The following CDC25C variants were observed in gnomAD, a reference collection of about 807,000 sequenced individuals.
CDC25C encodes the protein cell division cycle 25C, also known as M-phase inducer phosphatase 3.
In CDC25C, 48 loss-of-function variants were observed where a neutral mutation model predicts 52.5. The observed-to-expected ratio is 0.91, with a 90% confidence interval of 0.72 to 1.16. CDC25C has a LOEUF of 1.16. Among genes scored for constraint, CDC25C ranks in the 50% most tolerant of loss-of-function variants. The probability of loss-of-function intolerance (pLI) is 0.00; values close to 1 mark genes in which losing one functional copy is unlikely to be tolerated. For missense variants in CDC25C, 510 were observed against 566.1 expected, an observed-to-expected ratio of 0.90 and a Z score of 1.01; for synonymous variants, 187 against 206.5, an observed-to-expected ratio of 0.91 and a Z score of 0.81.
chr5:138,334,392 T>A (rs1002807402), upstream of CDC25C, among the ~76,000 whole-genome samples: 3 of 152,194 alleles, frequency 2.0e-5, no homozygotes, highest in Non-Finnish European at 4.4e-5. Flanking sequence ...GACAGTTTCT[T>A]TCTTGTTGCC....
chr5:138,332,218 G>A (rs1034398555), upstream of CDC25C: 2 of 152,248 alleles, frequency 1.3e-5, no homozygotes, highest in Non-Finnish European at 2.9e-5. Context: ...TGGGTGGAGG[G>A]TGTTGTAAGC....
Position 138,285,742 on chromosome 5 carries a change from G to A in CDC25C, c.1372C>T (p.Arg458Trp), listed in dbSNP as rs116048164. The A allele has an allele frequency of 2.0e-5, 32 of 1,614,142 alleles. No homozygotes were observed. Among genetic ancestry groups the A allele is most frequent in the Middle Eastern group, 3.3e-4 (2 of 6,060 alleles). ...AGGGCAATCTGCTCCCGCAGCTGCC[G>A]CTCCCCTTCCTGCACTTTGCTCTGG... The part of the protein sequence containing the change: ...RSQSKVQEGE[R>W]QLREQIALLV... The change falls in exon 14 of 14, where the codon CGG (arginine) becomes TGG (tryptophan). Residue 458 changes from arginine to tryptophan, a missense_variant. Coordinates refer to ENST00000323760, the MANE Select transcript of CDC25C (RefSeq NM_001790.5).
chr5:138,323,558 C>T lies in CDC25C; in HGVS notation c.459+2257G>A, dbSNP rs534973348. ...AAGTCCTGGACTCAAGCAATCCTCT[C>T]ACCTCAGCCTCCCAGAGTGCTGGGA... On this transcript the variant is annotated intron_variant, in intron 6 of 13. Transcript: ENST00000323760. Among the ~76,000 whole-genome samples, 148 of 151,824 alleles carry T rather than the reference C, an allele frequency of 9.7e-4. 1 individual carries two copies. Among genetic ancestry groups the T allele is most frequent in the Admixed American group, 8.5e-3 (129 of 15,264 alleles).
intron 7 of CDC25C, among the ~76,000 whole-genome samples, chr5:138,300,762 C>T (rs1247084537): frequency 3.3e-5 from 5 of 152,108 alleles, no homozygotes; most frequent in Admixed American, 6.6e-5. Flanking sequence ...AATCTTAATG[C>T]ACCTAAAAGG....
chr5:138,310,730 G>GCA (rs1257479023), intron 7 of CDC25C, among the ~76,000 whole-genome samples: 7 of 152,100 alleles, frequency 4.6e-5, no homozygotes, highest in African/African-American at 1.4e-4. Flanking sequence ...ATGAATCCAG[G>GCA]CAGTCTGGCC....
At position 138,326,655 on chromosome 5, in the gene CDC25C, A is replaced by T. The variant is rs189063195; in HGVS notation, c.336-601T>A. 3.5e-4 allele frequency among the ~76,000 whole-genome samples: 54 copies of T among 152,180 alleles called. No individual in the cohort carries two copies. In the East Asian group the frequency reaches 6.8e-3, roughly 19 times the overall value. On this transcript the variant is annotated intron_variant, in intron 4 of 13. Transcript: ENST00000323760. The stretch of plus-strand genomic sequence containing the variant: ...CGCACCCGGCCGGGGCTAACTTTTT[A>T]AAAAAATTTAATTTCTGGCGGGGCG...
chr5:138,326,949 T>A (rs1291208425), intron 4 of CDC25C, among the ~76,000 whole-genome samples: 21 of 72,474 alleles, frequency 2.9e-4, no homozygotes, highest in African/African-American at 1.1e-3. Flanking sequence ...CAAAACTCCG[T>A]CTCAAAAAAA....
In CDC25C at chr5:138,292,058, C is replaced by T; in HGVS notation, c.674G>A (p.Arg225Lys). The T allele has an allele frequency of 6.2e-7, 1 of 1,613,444 alleles. No individual in the cohort carries two copies. The highest frequency in any genetic ancestry group is 8.5e-7 in the Non-Finnish European group (1 of 1,179,700). The stretch of plus-strand genomic sequence containing the variant: ...CTTGAATTTTTCCACCTGCTTCAGT[C>T]TTGGCCTGTTCAAGTTCTCTGGCAT... The part of the protein sequence containing the change: ...PSMPENLNRP[R>K]LKQVEKFKDN... The change falls in exon 8 of 14, where the codon AGA becomes AAA. Residue 225 changes from arginine to lysine, a missense_variant. Physicochemically the swap from Arg to Lys is conservative, Grantham distance 26. Coordinates refer to ENST00000323760, the MANE Select transcript of CDC25C (RefSeq NM_001790.5).
exon 1 of CDC25C, chr5:138,338,021 T>C (rs1425527077): frequency 7.8e-7 from 1 of 1,289,588 alleles, no homozygotes; most frequent in African/African-American, 1.5e-5. Context: ...GTCCACTTTC[T>C]GCGATATTTT....
At chr5:138,291,138 T>A (rs1018215359) in intron 8 of CDC25C, among the ~76,000 whole-genome samples, 27 of 152,016 alleles carry the variant, frequency 1.8e-4, no homozygotes, top group Non-Finnish European at 2.5e-4. Context: ...ATTTTATTTT[T>A]TTTTATTAGA....
intron 7 of CDC25C, 142 bp downstream of exon 7, chr5:138,319,077 A>T: frequency 1.5e-6 from 1 of 662,392 alleles, no homozygotes; most frequent in Non-Finnish European, 2.5e-6. Flanking sequence ...TTTACTGAAC[A>T]TGTTCTGGCT....
chr5:138,299,793 G>C (rs1757500398), intron 7 of CDC25C, among the ~76,000 whole-genome samples: 1 of 151,656 alleles, frequency 6.6e-6, no homozygotes, highest in South Asian at 2.1e-4. Context: ...GATTAGAGCA[G>C]AACTTAAGAG....
chr5:138,327,544 G>A (rs1005197328), intron 4 of CDC25C, among the ~76,000 whole-genome samples: 1 of 151,850 alleles, frequency 6.6e-6, no homozygotes, highest in Non-Finnish European at 1.5e-5. Flanking sequence ...GCTGAGGCAG[G>A]AGAATCGCTT....
chr5:138,290,412 A>G (rs1400712011), intron 9 of CDC25C, among the ~76,000 whole-genome samples: 2 of 152,210 alleles, frequency 1.3e-5, no homozygotes, highest in East Asian at 3.8e-4. Context: ...TAAACAGAAA[A>G]AAGGTAAAAA....
intron 7 of CDC25C, among the ~76,000 whole-genome samples, chr5:138,308,599 A>G (rs1189167219): frequency 6.6e-6 from 1 of 152,060 alleles, no homozygotes; most frequent in East Asian, 1.9e-4. Flanking sequence ...CTATAGATCT[A>G]CTGCCCATTA....
upstream of CDC25C, chr5:138,333,659 TATTCTC>T (rs1018506173): frequency 8.5e-5 from 13 of 152,204 alleles, no homozygotes; most frequent in African/African-American, 3.1e-4. Context: ...GAGACAAAGT[TATTCTC>T]TATTGGTGGC....
In CDC25C at chr5:138,285,859, G is replaced by A. The variant is rs1247745619; in HGVS notation, c.1273-18C>T. ...CACAGTTCCTGAAAGGTAAGGAACA[G>A]AGTAAGGGATTCTCTAGACTCCTGA... On this transcript the variant is annotated intron_variant, in intron 13 of 13. Coordinates refer to ENST00000323760, the MANE Select transcript of CDC25C (RefSeq NM_001790.5). 7.4e-6 allele frequency: 12 copies of A among 1,613,536 alleles called. No individual in the cohort carries two copies. The African/African-American group carries it at 1.3e-4, about 18-fold the overall frequency.
intron 7 of CDC25C, among the ~76,000 whole-genome samples, chr5:138,307,374 C>T (rs1354960594): frequency 1.3e-5 from 2 of 150,464 alleles, no homozygotes; most frequent in Non-Finnish European, 3.0e-5. Context: ...TGCCTGTAGT[C>T]CCAGCTACTC....
chr5:138,297,781 G>C (rs1757324556), intron 7 of CDC25C, among the ~76,000 whole-genome samples: 1 of 152,116 alleles, frequency 6.6e-6, no homozygotes, highest in African/African-American at 2.4e-5. Flanking sequence ...AGTGATAAAT[G>C]GCATAAATCA....
Sources: allele counts gnomAD v4.1 joint callset (sites outside exome capture counted in the v4.1 genomes callset), GRCh38; gene constraint gnomAD v4.1.1; transcripts MANE v1.5; gene names NCBI Gene and HGNC (gene_info 2026-07-23, HGNC 2026-07-21).